CTNND2: variants seen among roughly 807,000 people sequenced by gnomAD.
CTNND2 encodes catenin delta 2, also known as catenin delta-2.
CTNND2 carries 22 observed loss-of-function variants against 144.4 expected under a neutral mutation model. The observed-to-expected ratio is 0.15, with a 90% CI of 0.11 to 0.22. CTNND2 has a LOEUF of 0.22. Among genes scored for constraint, CTNND2 ranks in the 10% least tolerant of loss-of-function variants. CTNND2 has a pLI of 1.00. For missense variants in CTNND2, 1,353 were observed against 1,618.8 expected, an observed-to-expected ratio of 0.84 and a Z score of 2.82; for synonymous variants, 751 against 695.6, an observed-to-expected ratio of 1.08 and a Z score of -1.25.
intron 3 of CTNND2, among the ~76,000 whole-genome samples, chr5:11,529,190 A>G (rs1773524521): frequency 6.6e-6 from 1 of 152,220 alleles, no homozygotes; most frequent in African/African-American, 2.4e-5. Flanking sequence ...ATCAAAAGGT[A>G]GCACTGTCTG....
At chr5:11,558,341 C>CACGTGTGTGTGTGTGT (rs1554083650) in intron 3 of CTNND2, among the ~76,000 whole-genome samples, 21 of 132,224 alleles carry the variant, frequency 1.6e-4, no homozygotes, top group Admixed American at 5.4e-4. Flanking sequence ...GTGAGAAACA[C>CACGTGTGTGTGTGTGT]GTGTGTGTGT....
At chr5:11,610,470 GA>G (rs1259846581) in intron 2 of CTNND2, among the ~76,000 whole-genome samples, 5 of 152,198 alleles carry the variant, frequency 3.3e-5, no homozygotes, top group Non-Finnish European at 4.4e-5. Flanking sequence ...GAGGCCTAGA[GA>G]AGTGATGTGA....
intron 12 of CTNND2, among the ~76,000 whole-genome samples, chr5:11,124,364 C>CTTACAT (rs1754448642): frequency 6.6e-6 from 1 of 152,194 alleles, no homozygotes; most frequent in African/African-American, 2.4e-5. Context: ...TCCTTACATC[C>CTTACAT]TCGATGGCTT....
At chr5:11,898,279 T>C (rs1328493701) in intron 1 of CTNND2, among the ~76,000 whole-genome samples, 1 of 152,258 alleles carries the variant, frequency 6.6e-6, no homozygotes, top group Non-Finnish European at 1.5e-5. Context: ...CCCACATTCC[T>C]GCACATTTTG....
At chr5:11,612,688 C>T (rs1391443562) in intron 2 of CTNND2, among the ~76,000 whole-genome samples, 7 of 151,972 alleles carry the variant, frequency 4.6e-5, no homozygotes, top group Admixed American at 4.6e-4. Context: ...TTGCTTGAGC[C>T]CAGGAGTTTG....
chr5:11,732,223 A>C lies in CTNND2; in HGVS notation c.87T>G (p.Ser29Arg). 6.2e-7 allele frequency: 1 copy of C among 1,613,924 alleles called. No homozygotes were observed. Residue 29 changes from serine (S) to arginine (R), a missense_variant, in exon 2 of 22, where the codon AGT becomes AGG. This residue lies in a region of CTNND2 where 708 missense variants were observed against 706.4 expected (regional missense o/e 1.00). Coordinates refer to ENST00000304623, the MANE Select transcript of CTNND2 (RefSeq NM_001332.4). ...AGGTGTTTAAGCCGGGGCTCAGGGA[A>C]CTCGTCTTCTCTGAGGCTGATGAAG... ...DQPSSASEKT[S>R]SLSPGLNTSN...
At chr5:11,296,090 A>AG (rs1748950185) in intron 9 of CTNND2, among the ~76,000 whole-genome samples, 1 of 82 alleles carries the variant, frequency 0.012, no homozygotes, top group African/African-American at 0.12. Flanking sequence ...CTCATCTGAC[A>AG]AGTACTAATA....
intron 6 of CTNND2, among the ~76,000 whole-genome samples, chr5:11,395,964 T>C (rs1760084664): frequency 6.6e-6 from 1 of 152,230 alleles, no homozygotes; most frequent in South Asian, 2.1e-4. Flanking sequence ...AAAAAAGTCC[T>C]GACCTCAAGT....
At chr5:11,468,260 C>T (rs1401000893) in intron 3 of CTNND2, among the ~76,000 whole-genome samples, 3 of 152,166 alleles carry the variant, frequency 2.0e-5, no homozygotes, top group African/African-American at 7.2e-5. Context: ...TATCGCAGTC[C>T]TTAAGCATCA....
chr5:11,794,231 G>T (rs1267170825), intron 1 of CTNND2, among the ~76,000 whole-genome samples: 1 of 152,142 alleles, frequency 6.6e-6, no homozygotes, highest in African/African-American at 2.4e-5. Context: ...GCACCAACTG[G>T]CATCCTCAAA....
rs553068619 is a variant in CTNND2 at position 11,377,199 on chromosome 5, C to T, written c.1177+7466G>A. Among the ~76,000 whole-genome samples, 29 of 151,824 alleles carry T rather than the reference C, an allele frequency of 1.9e-4. No individual in the cohort carries two copies. In the East Asian group the frequency reaches 3.7e-3, roughly 19 times the overall value. ...CTGAGTAGCTGGGATTACAGGCACGCGCCGCCACACCTGGCTAATTTTTTT... is the reference window on the plus strand; with the variant it reads ...CTGAGTAGCTGGGATTACAGGCACGTGCCGCCACACCTGGCTAATTTTTTT... On this transcript the variant is annotated intron_variant, in intron 7 of 21. Coordinates refer to ENST00000304623, the MANE Select transcript of CTNND2 (RefSeq NM_001332.4).
At chr5:11,348,734 C>A (rs763144506) in intron 8 of CTNND2, among the ~76,000 whole-genome samples, 16 of 151,668 alleles carry the variant, frequency 1.1e-4, no homozygotes, top group Non-Finnish European at 2.4e-4. Flanking sequence ...TCTCAAAGGA[C>A]CATGAATTAA....
At chr5:10,982,050 G>A (rs1293809512) in intron 20 of CTNND2, among the ~76,000 whole-genome samples, 1 of 152,174 alleles carries the variant, frequency 6.6e-6, no homozygotes. Context: ...AATCCCCACA[G>A]CATGTCAGCC....
chr5:11,392,231 C>A (rs996014147), intron 6 of CTNND2, among the ~76,000 whole-genome samples: 4 of 152,148 alleles, frequency 2.6e-5, no homozygotes, highest in Non-Finnish European at 4.4e-5. Flanking sequence ...TTTTCCTACC[C>A]TTTTACCTCC....
At chr5:11,754,650 CAT>C (rs1438706492) in intron 1 of CTNND2, among the ~76,000 whole-genome samples, 14 of 151,796 alleles carry the variant, frequency 9.2e-5, no homozygotes, top group African/African-American at 3.4e-4. Context: ...GTCTTGGGTG[CAT>C]ATACATACAG....
intron 3 of CTNND2, among the ~76,000 whole-genome samples, chr5:11,539,934 T>G (rs1262523884): frequency 2.6e-5 from 4 of 152,258 alleles, no homozygotes; most frequent in African/African-American, 4.8e-5. Context: ...CTTGGGAGGC[T>G]GAGGCAGGAG....
intron 16 of CTNND2, among the ~76,000 whole-genome samples, chr5:11,031,162 A>G (rs1743433260): frequency 1.3e-5 from 2 of 152,182 alleles, no homozygotes; most frequent in Admixed American, 1.3e-4. Flanking sequence ...AGCTCTTTAA[A>G]TCCTCTGAAA....
rs533382383 is a variant in CTNND2, at chr5:11,639,819, T to C, written c.175-74763A>G. 2.6e-5 allele frequency among the ~76,000 whole-genome samples: 4 copies of C among 152,320 alleles called. No individual in the cohort carries two copies. In the South Asian group the frequency reaches 8.3e-4, roughly 32 times the overall value. ...GAAACTAAACATACACTGATTAAGGTTGAGATCACTCTCAACAGAGCCTTG... is the reference window on the plus strand; with the variant it reads ...GAAACTAAACATACACTGATTAAGGCTGAGATCACTCTCAACAGAGCCTTG... On this transcript the variant is annotated intron_variant, in intron 2 of 21. Coordinates refer to ENST00000304623, the MANE Select transcript of CTNND2 (RefSeq NM_001332.4).
intron 3 of CTNND2, among the ~76,000 whole-genome samples, chr5:11,425,401 A>T (rs181455364): frequency 7.9e-5 from 12 of 152,286 alleles, no homozygotes; most frequent in Admixed American, 5.2e-4. Flanking sequence ...AACATTACAC[A>T]TGAAAAAATT....
Sources: allele counts gnomAD v4.1 joint callset (sites outside exome capture counted in the v4.1 genomes callset), GRCh38; gene constraint gnomAD v4.1.1; regional missense constraint gnomAD v4.1.1; transcripts MANE v1.5; gene names NCBI Gene and HGNC (gene_info 2026-07-23, HGNC 2026-07-21).